Variants in ASPRV1 observed in about 807,000 individuals in gnomAD.
ASPRV1 encodes the protein retroviral-like aspartic protease 1.
Under a neutral mutation model 11.0 loss-of-function variants are expected in ASPRV1, and 7 were observed. That is an observed-to-expected ratio of 0.64 (90% CI 0.36 to 1.20). The LOEUF is 1.20. Ranked by LOEUF, ASPRV1 falls within the 50% of genes most tolerant of loss-of-function variation. The pLI is 0.02. For synonymous variants in ASPRV1, 136 were observed against 138.4 expected, an observed-to-expected ratio of 0.98 and a Z score of 0.12; for missense variants, 299 against 320.0, an observed-to-expected ratio of 0.93 and a Z score of 0.50.
the ASPRV1 span, among the ~76,000 whole-genome samples, chr2:70,040,706 C>T: frequency 6.6e-6 from 1 of 152,050 alleles, no homozygotes; most frequent in Non-Finnish European, 1.5e-5. Flanking sequence ...CAGTGGCAGG[C>T]CCCTGTAATC....
At chr2:69,990,720 G>A in the ASPRV1 span, among the ~76,000 whole-genome samples, 4 of 152,118 alleles carry the variant, frequency 2.6e-5, no homozygotes, top group Admixed American at 6.6e-5. Context: ...CTCCCAAAGT[G>A]CAGGGATTAC....
the ASPRV1 span, among the ~76,000 whole-genome samples, chr2:70,083,892 A>G: frequency 6.6e-6 from 1 of 152,208 alleles, no homozygotes; most frequent in Non-Finnish European, 1.5e-5. Flanking sequence ...TCTCAGAGCT[A>G]GACAGGGGCA....
chr2:70,074,780 G>A, the ASPRV1 span, among the ~76,000 whole-genome samples: 1 of 151,346 alleles, frequency 6.6e-6, no homozygotes, highest in Non-Finnish European at 1.5e-5. Context: ...CTACTTAACA[G>A]AGGTAAGAAA....
chr2:70,006,688 C>A, the ASPRV1 span, among the ~76,000 whole-genome samples: 1 of 152,174 alleles, frequency 6.6e-6, no homozygotes, highest in South Asian at 2.1e-4. Flanking sequence ...ACAAGAACAT[C>A]AGCAGCCCCT....
the ASPRV1 span, among the ~76,000 whole-genome samples, chr2:70,040,988 T>C: frequency 7.9e-5 from 12 of 152,178 alleles, no homozygotes; most frequent in South Asian, 6.2e-4. Flanking sequence ...GTTAAAACCA[T>C]AGTCTTTCAG....
At chr2:70,067,641 TAA>T in the ASPRV1 span, among the ~76,000 whole-genome samples, 1 of 152,184 alleles carries the variant, frequency 6.6e-6, no homozygotes, top group Non-Finnish European at 1.5e-5. Context: ...GAATGATACA[TAA>T]GATGTTATAT....
chr2:69,939,949 G>A, the ASPRV1 span: 4 of 152,308 alleles, frequency 2.6e-5, no homozygotes. Context: ...TTCTATACCC[G>A]AAGAGCAGTC....
chr2:70,009,730 G>C, the ASPRV1 span, among the ~76,000 whole-genome samples: 1 of 152,184 alleles, frequency 6.6e-6, no homozygotes, highest in African/African-American at 2.4e-5. Context: ...CAGACCTTTG[G>C]GAAGCCTATT....
chr2:70,053,034 T>C, the ASPRV1 span, among the ~76,000 whole-genome samples: 1 of 152,182 alleles, frequency 6.6e-6, no homozygotes, highest in Non-Finnish European at 1.5e-5. Flanking sequence ...TCCATGCCTG[T>C]ACTCATAAGC....
the ASPRV1 span, among the ~76,000 whole-genome samples, chr2:69,979,827 G>A: frequency 6.2e-4 from 94 of 152,262 alleles, 1 homozygote; most frequent in South Asian, 0.016. Flanking sequence ...TAAGCTCCAC[G>A]CTCTCCATAC....
chr2:70,029,862 G>C, the ASPRV1 span: 1 of 152,152 alleles, frequency 6.6e-6, no homozygotes, highest in Non-Finnish European at 1.5e-5. Flanking sequence ...AATGGTGGGA[G>C]AAAGGCACAG....
the ASPRV1 span, among the ~76,000 whole-genome samples, chr2:69,997,590 G>A: frequency 2.4e-4 from 36 of 152,046 alleles, no homozygotes; most frequent in South Asian, 8.3e-4. Context: ...TCTCCTCCTC[G>A]CCAGCCCTGC....
chr2:70,069,006 T>C, the ASPRV1 span: 1 of 148,554 alleles, frequency 6.7e-6, no homozygotes, highest in Non-Finnish European at 1.5e-5. Context: ...GCAGAGATCA[T>C]GGGCAGCTTT....
the ASPRV1 span, among the ~76,000 whole-genome samples, chr2:69,992,713 CT>C: frequency 2.6e-5 from 4 of 152,194 alleles, no homozygotes; most frequent in Non-Finnish European, 5.9e-5. Flanking sequence ...TGTCTAAAAT[CT>C]TTTCCTAGAA....
At chr2:69,987,157 G>A in the ASPRV1 span, among the ~76,000 whole-genome samples, 1 of 152,080 alleles carries the variant, frequency 6.6e-6, no homozygotes, top group Non-Finnish European at 1.5e-5. Flanking sequence ...CTGAGTGAGG[G>A]GAAGGCATTG....
the ASPRV1 span, among the ~76,000 whole-genome samples, chr2:69,991,665 A>G: frequency 1.3e-5 from 2 of 152,170 alleles, no homozygotes; most frequent in Admixed American, 6.5e-5. Context: ...CTCCTGCCTC[A>G]GTCTCCCGAG....
At chr2:70,083,163 T>A in the ASPRV1 span, among the ~76,000 whole-genome samples, 3 of 152,030 alleles carry the variant, frequency 2.0e-5, no homozygotes, top group Admixed American at 1.3e-4. Context: ...GCCTTTTGAG[T>A]TTAAGGTAAA....
the ASPRV1 span, among the ~76,000 whole-genome samples, chr2:70,017,511 A>C: frequency 6.6e-6 from 1 of 151,622 alleles, no homozygotes; most frequent in Admixed American, 6.5e-5. Context: ...ACTTCTATTG[A>C]AAACAGTATT....
the ASPRV1 span, among the ~76,000 whole-genome samples, chr2:70,074,181 G>A: frequency 9.3e-5 from 13 of 139,260 alleles, no homozygotes; most frequent in Non-Finnish European, 1.7e-4. Context: ...AAATACCATT[G>A]CCCCAAACTC....
Sources: allele counts gnomAD v4.1 joint callset (sites outside exome capture counted in the v4.1 genomes callset), GRCh38; gene constraint gnomAD v4.1.1; transcripts MANE v1.5; gene names NCBI Gene and HGNC (gene_info 2026-07-23, HGNC 2026-07-21).